Variants in HTR2C observed in about 807,000 individuals in gnomAD.
HTR2C encodes the protein 5-hydroxytryptamine (serotonin) receptor 2C, G protein-coupled.
In HTR2C, 5 loss-of-function variants were observed where a neutral mutation model predicts 21.0. That is an observed-to-expected ratio of 0.24 (90% confidence interval 0.12 to 0.50). The LOEUF is 0.50. HTR2C is among the 20% of genes least tolerant of loss of function. The pLI is 0.98. For missense variants in HTR2C, 271 were observed against 371.2 expected (o/e 0.73, Z 2.22); for synonymous variants, 150 against 145.3 (o/e 1.03, Z -0.23).
At chrX:114,694,820 G>C (rs782253879) in intron 2 of HTR2C, among the ~76,000 whole-genome samples, 2 of 111,357 alleles carry the variant, frequency 1.8e-5, no homozygotes, top group Non-Finnish European at 3.8e-5. Context: ...AACCTCACTA[G>C]TAGCACAATG....
chrX:114,718,775 T>A (rs1200779322), intron 2 of HTR2C, among the ~76,000 whole-genome samples: 1 of 109,020 alleles, frequency 9.2e-6, no homozygotes, highest in Non-Finnish European at 1.9e-5. Flanking sequence ...GATTTTCTCT[T>A]CATACTTGAG....
chrX:114,626,939 C>T (rs1319419581), intron 2 of HTR2C, among the ~76,000 whole-genome samples: 1 of 111,550 alleles, frequency 9.0e-6, no homozygotes, highest in African/African-American at 3.3e-5. Context: ...TAGTAGTTGG[C>T]AGAATACAGA....
At chrX:114,894,803 C>A (rs1163510405) in intron 5 of HTR2C, among the ~76,000 whole-genome samples, 3 of 110,519 alleles carry the variant, frequency 2.7e-5, no homozygotes, top group African/African-American at 9.9e-5. Context: ...TCACTGCAAC[C>A]TCTGCCTCCT....
intron 2 of HTR2C, among the ~76,000 whole-genome samples, chrX:114,643,246 CTT>C (rs34506256): frequency 2.9e-5 from 3 of 102,856 alleles, no homozygotes; most frequent in Non-Finnish European, 4.0e-5. Context: ...TTTGCCATTA[CTT>C]TTTTTTTTTG....
chrX:114,662,729 A>G (rs782036171), intron 2 of HTR2C, among the ~76,000 whole-genome samples: 4 of 112,132 alleles, frequency 3.6e-5, no homozygotes, highest in Admixed American at 9.5e-5. Flanking sequence ...TCTTGCCAGG[A>G]GATGGCTTCT....
chrX:114,728,928 C>A (rs1184010309), intron 3 of HTR2C, among the ~76,000 whole-genome samples: 1 of 112,145 alleles, frequency 8.9e-6, no homozygotes, highest in East Asian at 2.8e-4. Context: ...GGACCTTATT[C>A]TATAGGTTTA....
chrX:114,831,196 T>C (rs376090635), intron 4 of HTR2C, among the ~76,000 whole-genome samples: 2 of 98,282 alleles, frequency 2.0e-5, no homozygotes, highest in Admixed American at 2.3e-4. Context: ...GATTTAGAGT[T>C]CTTTGGGTAT....
chrX:114,770,984 T>C lies in HTR2C; in HGVS notation c.349+39377T>C, dbSNP rs375409596. Among the ~76,000 whole-genome samples the C allele has an allele frequency of 5.2e-4, 57 of 109,868 alleles. No homozygotes were observed. In the East Asian group the frequency reaches 0.01, roughly 19 times the overall value. Reference sequence around the variant, plus strand: ...ACCCGGCTATTGTTTGTATTTTTAATAGAGACGAGGTTTCACCATGTTGGT... The same window carrying C: ...ACCCGGCTATTGTTTGTATTTTTAACAGAGACGAGGTTTCACCATGTTGGT... On this transcript the variant is annotated intron_variant, in intron 4 of 5. Transcript: ENST00000276198.
intron 4 of HTR2C, among the ~76,000 whole-genome samples, chrX:114,807,073 T>C (rs868907848): frequency 3.8e-5 from 2 of 52,468 alleles, no homozygotes; most frequent in African/African-American, 1.1e-4. Flanking sequence ...ATATATACCA[T>C]ATATACACCA....
intron 2 of HTR2C, among the ~76,000 whole-genome samples, chrX:114,615,331 G>T (rs1556399862): frequency 9.0e-6 from 1 of 110,511 alleles, no homozygotes; most frequent in African/African-American, 3.3e-5. Context: ...ATTGAAAAGA[G>T]TTCTTGATGC....
chrX:114,834,854 T>C (rs1397526756), intron 4 of HTR2C, among the ~76,000 whole-genome samples: 1 of 109,916 alleles, frequency 9.1e-6, no homozygotes, highest in Non-Finnish European at 1.9e-5. Context: ...CAGTTGTTCC[T>C]TTCCATGTTT....
chrX:114,806,467 T>TATATATACTGTATATATATACACC lies in HTR2C; in HGVS notation c.350-41529_350-41528insCTGTATATATATACACCATATATA, dbSNP rs2070441262. ...ATATATACTGTATATATATACACCA[T>TATATATACTGTATATATATACACC]ATATATATACTGTATATATATACAC... On this transcript the variant is annotated intron_variant, in intron 4 of 5. Coordinates refer to ENST00000276198, the MANE Select transcript of HTR2C (RefSeq NM_000868.4). Among the ~76,000 whole-genome samples the TATATATACTGTATATATATACACC allele has an allele frequency of 4.8e-4, 2 of 4,174 alleles. 1 individual carries two copies. The highest frequency in any genetic ancestry group is 8.6e-4 in the African/African-American group (2 of 2,317). The allele number at this position is 4,174 out of a possible 115,157, so 3.6% of individuals were successfully genotyped here. A position where few individuals can be genotyped will look rare whatever the true frequency, so the allele number is the denominator to read the frequency against.
intron 2 of HTR2C, among the ~76,000 whole-genome samples, chrX:114,689,208 G>GTGTATATATATA (rs1556414750): frequency 1.4e-5 from 1 of 72,740 alleles, no homozygotes; most frequent in Non-Finnish European, 2.5e-5. Flanking sequence ...GTATGTATGC[G>GTGTATATATATA]TATATATATA....
intron 4 of HTR2C, among the ~76,000 whole-genome samples, chrX:114,790,727 T>C (rs2070222604): frequency 8.9e-6 from 1 of 112,099 alleles, no homozygotes; most frequent in Non-Finnish European, 1.9e-5. Flanking sequence ...ACTGCTTAAC[T>C]TCCAACAATA....
intron 4 of HTR2C, among the ~76,000 whole-genome samples, chrX:114,746,996 A>AAG (rs1218085531): frequency 9.0e-6 from 1 of 110,557 alleles, no homozygotes; most frequent in Admixed American, 9.6e-5. Flanking sequence ...AAAAAAAAGA[A>AAG]AGAGAGAGAG....
intron 1 of HTR2C, among the ~76,000 whole-genome samples, chrX:114,612,920 TTTTTATTTTA>T (rs782037345): frequency 4.6e-5 from 5 of 109,188 alleles, no homozygotes; most frequent in South Asian, 3.9e-4. Flanking sequence ...TGCTGATTGT[TTTTTATTTTA>T]TTTTATTTTA....
Position 114,907,384 on chromosome X carries a change from G to A in HTR2C, c.1346G>A (p.Ser449Asn). 8.3e-7 allele frequency: 1 copy of A among 1,208,786 alleles called. No homozygotes were observed. Among genetic ancestry groups the A allele is most frequent in the Non-Finnish European group, 1.1e-6 (1 of 892,746 alleles). The change falls in exon 6 of 6, where the codon AGT becomes AAT. Residue 449 changes from serine to asparagine, a missense_variant. By Grantham distance (46) the Ser-to-Asn change is conservative. Coordinates refer to ENST00000276198, the MANE Select transcript of HTR2C (RefSeq NM_000868.4). ...ENLELPVNPS[S>N]VVSERISSV is the part of the protein sequence containing the mutation. ...TTAGAGTTACCAGTAAATCCCTCCA[G>A]TGTGGTTAGCGAAAGGATTAGCAGT...
intron 2 of HTR2C, 90 bp from the exon 3 acceptor site, chrX:114,726,768 A>G: frequency 7.5e-6 from 3 of 399,103 alleles, no homozygotes; most frequent in Non-Finnish European, 1.3e-5. Context: ...TCTTATCACC[A>G]TTAAGTGCAT....
At chrX:114,833,641 C>G (rs1458051948) in intron 4 of HTR2C, among the ~76,000 whole-genome samples, 1 of 109,625 alleles carries the variant, frequency 9.1e-6, no homozygotes, top group African/African-American at 3.3e-5. Flanking sequence ...TTGATCCTTT[C>G]AAAAAACCAG....
Sources: gnomAD v4.1 joint callset for allele counts (sites outside exome capture counted in the v4.1 genomes callset) on GRCh38, gnomAD v4.1.1 for gene constraint, MANE v1.5 for transcripts, NCBI Gene and HGNC (gene_info 2026-07-23, HGNC 2026-07-21) for gene names.